DNAJA4: variants seen among roughly 807,000 people sequenced by gnomAD.
The protein encoded by DNAJA4 is dnaJ homolog subfamily A member 4.
A neutral mutation model predicts 39.7 loss-of-function variants in DNAJA4; 32 were observed. That is an observed-to-expected ratio of 0.81 (90% CI 0.61 to 1.08). DNAJA4 has a LOEUF of 1.08. Among genes scored for constraint, DNAJA4 ranks in the 50% least tolerant of loss-of-function variants. The pLI, the probability that DNAJA4 is intolerant of heterozygous loss-of-function variation, is 0.00. For missense variants in DNAJA4, 439 were observed against 505.1 expected (o/e 0.87, Z 1.25); for synonymous variants, 184 against 182.4 (o/e 1.01, Z -0.07).
chr15:78,269,048 CAG>C (rs2049223320), intron 1 of DNAJA4, among the ~76,000 whole-genome samples: 1 of 152,134 alleles, frequency 6.6e-6, no homozygotes, highest in Admixed American at 6.5e-5. Flanking sequence ...GCCCAGACTG[CAG>C]AGTTGAGGAA....
chr15:78,265,139 C>G (rs1466974357), intron 1 of DNAJA4, among the ~76,000 whole-genome samples: 1 of 152,220 alleles, frequency 6.6e-6, no homozygotes, highest in Non-Finnish European at 1.5e-5. Flanking sequence ...GAGTCCCTGC[C>G]GAGCCCATTC....
chr15:78,266,242 CAT>C lies in DNAJA4; in HGVS notation c.132+1348_132+1349del, dbSNP rs142025971. 0.037 allele frequency: 59,581 copies of C among 1,613,698 alleles called. 1,349 individuals carry two copies. The highest frequency in any genetic ancestry group is 0.076 in the Middle Eastern group (462 of 6,062). ...CACATTTCAGCAAGCTGGCTAAAGACATGTGGGAAAGCCTGACCCTGGATTCA... is the reference window on the plus strand; with the variant it reads ...CACATTTCAGCAAGCTGGCTAAAGACGTGGGAAAGCCTGACCCTGGATTCA... On this transcript the variant is annotated intron_variant, in intron 1 of 6. Coordinates refer to ENST00000394852, the MANE Select transcript of DNAJA4 (RefSeq NM_001130182.2).
Position 78,279,066 on chromosome 15 carries a change from G to C in DNAJA4, c.878-979G>C, listed in dbSNP as rs2049573915. Reference sequence around the variant, plus strand: ...GGTTGCTGTCCTGCACAGTCAGTAGGCTCTGAAGGCCATGTCTGAACCACA... The same window carrying C: ...GGTTGCTGTCCTGCACAGTCAGTAGCCTCTGAAGGCCATGTCTGAACCACA... On this transcript the variant is annotated intron_variant, in intron 5 of 6. Transcript: ENST00000394852. The surrounding 1 kb of genome is among the most constrained non-coding windows in gnomAD (Gnocchi z 4.5). The C allele has an allele frequency of 6.6e-6, 1 of 152,080 alleles. No individual in the cohort carries two copies. The allele number at this position is 152,080 out of a possible 1,614,324, so 9.4% of individuals were successfully genotyped here.
intron 1 of DNAJA4, among the ~76,000 whole-genome samples, chr15:78,265,138 C>T (rs538710870): frequency 6.6e-6 from 1 of 152,214 alleles, no homozygotes; most frequent in African/African-American, 2.4e-5. Flanking sequence ...CGAGTCCCTG[C>T]CGAGCCCATT....
Position 78,264,578 on chromosome 15 carries a change from G to A in DNAJA4, c.-186G>A. The A allele has an allele frequency of 6.7e-6, 8 of 1,195,402 alleles. No individual in the cohort carries two copies. Among genetic ancestry groups the A allele is most frequent in the Non-Finnish European group, 8.3e-6 (8 of 964,828 alleles). The allele number at this position is 1,195,402 out of a possible 1,614,324, so 74.0% of individuals were successfully genotyped here. ...GGTGGCTCTAGTGCGGTGGAGCCAG[G>A]CGTGGAAGTCGGTCCGGCGCGGGGC... On this transcript the variant is annotated 5_prime_UTR_variant, in exon 1 of 7. Coordinates refer to ENST00000394852, the MANE Select transcript of DNAJA4 (RefSeq NM_001130182.2).
chr15:78,264,634 G>GGCA lies in DNAJA4; in HGVS notation c.-128_-127insAGC, dbSNP rs1208907305. On this transcript the variant is annotated 5_prime_UTR_variant, in exon 1 of 7. Coordinates refer to ENST00000394852, the MANE Select transcript of DNAJA4 (RefSeq NM_001130182.2). ...GCGGGCGGGAGCTACAAGCGGCGGC[G>GGCA]GCGGCGGCGACCGTGACCGTGACGC... 3.9e-6 allele frequency: 4 copies of GGCA among 1,025,018 alleles called. No individual in the cohort carries two copies. Among genetic ancestry groups the GGCA allele is most frequent in the East Asian group, 8.1e-5 (1 of 12,290 alleles). 63.5% of individuals were successfully genotyped at this position (1,025,018 alleles called of 1,614,324 possible). A position where few individuals can be genotyped will look rare whatever the true frequency, so the allele number is the denominator to read the frequency against.
At chr15:78,275,420 C>G in intron 4 of DNAJA4, 78 bp from the exon 5 acceptor site, 1 of 1,195,760 alleles carries the variant, frequency 8.4e-7, no homozygotes, top group East Asian at 2.4e-5. Flanking sequence ...CTGAAGGACT[C>G]TGTTCCTTCT....
At chr15:78,276,911 C>A (rs1431580829) in intron 5 of DNAJA4, among the ~76,000 whole-genome samples, 3 of 152,202 alleles carry the variant, frequency 2.0e-5, no homozygotes, top group Non-Finnish European at 4.4e-5. Flanking sequence ...CTGCTTTTCT[C>A]TTCCCAGCCT....
chr15:78,277,899 T>C lies in DNAJA4; in HGVS notation c.878-2146T>C, dbSNP rs997367724. 8 of 370,606 alleles carry C rather than the reference T, an allele frequency of 2.2e-5. No homozygotes were observed. In the Admixed American group the frequency reaches 2.5e-4, roughly 12 times the overall value. The allele number at this position is 370,606 out of a possible 1,614,324, so 23.0% of individuals were successfully genotyped here. A position where few individuals can be genotyped will look rare whatever the true frequency, so the allele number is the denominator to read the frequency against. On this transcript the variant is annotated intron_variant, in intron 5 of 6. Transcript: ENST00000394852. ...AGGAAACCTGCCGTTGGAGAGTTCT[T>C]TGGGGATTTGTTTGTCCTTTTTGTT...
At chr15:78,278,435 C>T (rs530521697) in intron 5 of DNAJA4, 25 of 385,288 alleles carry the variant, frequency 6.5e-5, no homozygotes, top group Non-Finnish European at 1.1e-4. Flanking sequence ...ACCTAGATAG[C>T]ATAGCCTGCT....
chr15:78,264,432 T>A, upstream of DNAJA4: 1 of 1,338,768 alleles, frequency 7.5e-7, no homozygotes, highest in Non-Finnish European at 9.5e-7. Flanking sequence ...GTCGGGGGTC[T>A]GGGCCGCGAA....
chr15:78,278,422 C>G (rs558667945), intron 5 of DNAJA4: 1 of 402,622 alleles, frequency 2.5e-6, no homozygotes, highest in African/African-American at 2.0e-5. Context: ...TGTACTCACA[C>G]AGACCTAGAT....
At chr15:78,278,330 A>G (rs975839828) in intron 5 of DNAJA4, 2 of 454,512 alleles carry the variant, frequency 4.4e-6, no homozygotes, top group Non-Finnish European at 8.8e-6. Context: ...CAGAAAAACC[A>G]GTCATATGTA....
At chr15:78,268,707 C>T (rs546458256) in intron 1 of DNAJA4, among the ~76,000 whole-genome samples, 13 of 152,298 alleles carry the variant, frequency 8.5e-5, no homozygotes, top group African/African-American at 3.1e-4. Flanking sequence ...TTCCCAGAAT[C>T]GAGCCATTCA....
chr15:78,264,625 AGCGGCGGCG>A lies in DNAJA4; in HGVS notation c.-129_-121del, dbSNP rs536756767. ...GGGCGGGGGGCGGGCGGGAGCTACA[AGCGGCGGCG>A]GCGGCGGCGACCGTGACCGTGACGC... On this transcript the variant is annotated 5_prime_UTR_variant, in exon 1 of 7. Coordinates refer to ENST00000394852, the MANE Select transcript of DNAJA4 (RefSeq NM_001130182.2). 2 of 991,492 alleles carry A rather than the reference AGCGGCGGCG, an allele frequency of 2.0e-6. No individual in the cohort carries two copies. Among genetic ancestry groups the A allele is most frequent in the Non-Finnish European group, 2.4e-6 (2 of 826,206 alleles). 61.4% of individuals were successfully genotyped at this position (991,492 alleles called of 1,614,324 possible). A position where few individuals can be genotyped will look rare whatever the true frequency, so the allele number is the denominator to read the frequency against.
intron 1 of DNAJA4, among the ~76,000 whole-genome samples, chr15:78,269,097 G>A (rs1446413937): frequency 2.6e-5 from 4 of 152,226 alleles, no homozygotes; most frequent in African/African-American, 9.6e-5. Flanking sequence ...TAGAATTGGG[G>A]TGGGGACACA....
At position 78,280,091 on chromosome 15, in the gene DNAJA4, A is replaced by T; in HGVS notation, c.924A>T (p.Gly308=). The T allele has an allele frequency of 6.2e-7, 1 of 1,614,226 alleles. No individual in the cohort carries two copies. Among genetic ancestry groups the T allele is most frequent in the South Asian group, 1.1e-5 (1 of 91,082 alleles). Residue 308 remains glycine, a synonymous_variant, in exon 6 of 7, where the codon GGA becomes GGT. Coordinates refer to ENST00000394852, the MANE Select transcript of DNAJA4 (RefSeq NM_001130182.2). ...ACCTGAGATGCGTGCGCGATGAAGGAATGCCCATCTACAAAGCACCCCTGG... is the reference window on the plus strand; with the variant it reads ...ACCTGAGATGCGTGCGCGATGAAGGTATGCCCATCTACAAAGCACCCCTGG... The part of the protein sequence containing the change: ...HGDLRCVRDE[G]MPIYKAPLEK...
rs2141477874 is a variant in DNAJA4, at chr15:78,282,023, G to C, written c.*1563G>C. ...ACCACAACTCTGGGGTGTCGTTTTT[G>C]TGCTGTGACTTCCTAATTATTGCTA... On this transcript the variant is annotated 3_prime_UTR_variant, in exon 7 of 7. Transcript: ENST00000394852. 6.6e-6 allele frequency: 1 copy of C among 152,278 alleles called. No individual in the cohort carries two copies. Among genetic ancestry groups the C allele is most frequent in the Non-Finnish European group, 1.5e-5 (1 of 68,020 alleles). The allele number at this position is 152,278 out of a possible 1,614,324, so 9.4% of individuals were successfully genotyped here.
upstream of DNAJA4, chr15:78,264,152 CCCTTCGGCGCAGG>C: frequency 4.3e-6 from 2 of 466,914 alleles, no homozygotes; most frequent in Non-Finnish European, 7.2e-6. Flanking sequence ...CCCAGTCCCA[CCCTTCGGCGCAGG>C]GCTCCGGCCA....
Sources: allele counts gnomAD v4.1 joint callset (sites outside exome capture counted in the v4.1 genomes callset), GRCh38; gene constraint gnomAD v4.1.1; non-coding constraint Gnocchi (gnomAD v3.1); transcripts MANE v1.5; gene names NCBI Gene and HGNC (gene_info 2026-07-23, HGNC 2026-07-21).